Variants in MEIKIN observed in about 807,000 individuals in gnomAD.
The protein encoded by MEIKIN is meiosis-specific kinetochore protein.
chr5:131,917,220 T>A (rs949563828), intron 6 of MEIKIN, among the ~76,000 whole-genome samples: 1 of 152,114 alleles, frequency 6.6e-6, no homozygotes, highest in Non-Finnish European at 1.5e-5. Context: ...GTCAGGTAAA[T>A]ATATCAATTT....
intron 6 of MEIKIN, among the ~76,000 whole-genome samples, chr5:131,919,707 T>G (rs1751473775): frequency 6.6e-6 from 1 of 152,068 alleles, no homozygotes; most frequent in Non-Finnish European, 1.5e-5. Context: ...ATCTCCTGAT[T>G]TGTACAAAAG....
At chr5:131,815,400 C>G (rs1773083589) in intron 12 of MEIKIN, among the ~76,000 whole-genome samples, 2 of 152,164 alleles carry the variant, frequency 1.3e-5, no homozygotes, top group South Asian at 4.1e-4. Flanking sequence ...AGCCAGGAAT[C>G]AAGGGGTAGA....
chr5:131,905,396 CAA>C (rs1447869872), intron 8 of MEIKIN, among the ~76,000 whole-genome samples: 1 of 151,734 alleles, frequency 6.6e-6, no homozygotes, highest in African/African-American at 2.4e-5. Flanking sequence ...ACTAGAAAAA[CAA>C]GAGCAAATCA....
intron 8 of MEIKIN, among the ~76,000 whole-genome samples, chr5:131,901,898 T>C (rs1751162771): frequency 6.6e-6 from 1 of 151,694 alleles, no homozygotes; most frequent in Non-Finnish European, 1.5e-5. Context: ...TGTTTGGTCA[T>C]GAGATTTAGA....
intron 11 of MEIKIN, among the ~76,000 whole-genome samples, chr5:131,838,511 A>G (rs1749850630): frequency 2.6e-5 from 4 of 151,920 alleles, no homozygotes; most frequent in Admixed American, 2.6e-4. Flanking sequence ...TAGGCTTATT[A>G]CTTATTCAGG....
chr5:131,871,128 A>T (rs1366288162), intron 9 of MEIKIN, among the ~76,000 whole-genome samples: 1 of 152,174 alleles, frequency 6.6e-6, no homozygotes, highest in Non-Finnish European at 1.5e-5. Flanking sequence ...GGTTCATCTC[A>T]CTGGGGTGTG....
chr5:131,929,774 C>T (rs1274205335), intron 5 of MEIKIN, among the ~76,000 whole-genome samples: 2 of 152,192 alleles, frequency 1.3e-5, no homozygotes, highest in Non-Finnish European at 2.9e-5. Flanking sequence ...CTTATGAGAA[C>T]ATATGGTATT....
chr5:131,893,779 C>T (rs1750982502), intron 8 of MEIKIN, among the ~76,000 whole-genome samples: 1 of 152,130 alleles, frequency 6.6e-6, no homozygotes, highest in Non-Finnish European at 1.5e-5. Flanking sequence ...GGATATTAGC[C>T]CTTTGTCAGA....
At chr5:131,887,940 A>G (rs1413486677) in intron 8 of MEIKIN, among the ~76,000 whole-genome samples, 5 of 108,868 alleles carry the variant, frequency 4.6e-5, no homozygotes. Flanking sequence ...ATTCCCACCT[A>G]TGAGTGAGAA....
At chr5:131,850,474 A>C (rs1463840840) in intron 11 of MEIKIN, among the ~76,000 whole-genome samples, 1 of 152,222 alleles carries the variant, frequency 6.6e-6, no homozygotes, top group Non-Finnish European at 1.5e-5. Flanking sequence ...TACTAACATA[A>C]AGACAGACAT....
chr5:131,836,987 A>G (rs1749820003), intron 11 of MEIKIN, among the ~76,000 whole-genome samples: 1 of 151,152 alleles, frequency 6.6e-6, no homozygotes. Flanking sequence ...TGTCTCCAGG[A>G]TTTTCATAGT....
chr5:131,875,760 G>C (rs974998721), intron 9 of MEIKIN, among the ~76,000 whole-genome samples: 1 of 152,208 alleles, frequency 6.6e-6, no homozygotes, highest in African/African-American at 2.4e-5. Context: ...CCAGGCTACA[G>C]TAACCAAAAC....
chr5:131,942,846 A>G (rs1176432162), intron 3 of MEIKIN, among the ~76,000 whole-genome samples, 151 bp from the exon 4 acceptor site: 2 of 152,142 alleles, frequency 1.3e-5, no homozygotes, highest in East Asian at 3.8e-4. Flanking sequence ...TATTGTTCAG[A>G]TGTAATCTGA....
intron 11 of MEIKIN, among the ~76,000 whole-genome samples, chr5:131,825,148 C>A (rs1240904029): frequency 6.6e-6 from 1 of 152,056 alleles, no homozygotes; most frequent in Non-Finnish European, 1.5e-5. Flanking sequence ...TACGGTGATC[C>A]ATGATCTTAC....
chr5:131,902,988 C>T (rs1377123324), intron 8 of MEIKIN, among the ~76,000 whole-genome samples: 4 of 152,156 alleles, frequency 2.6e-5, no homozygotes, highest in African/African-American at 4.8e-5. Context: ...AAAAAATACA[C>T]TCTGAGAATT....
intron 8 of MEIKIN, among the ~76,000 whole-genome samples, chr5:131,903,453 T>G (rs556854871): frequency 6.6e-6 from 1 of 152,330 alleles, no homozygotes; most frequent in East Asian, 1.9e-4. Context: ...AGCAGACCTA[T>G]CAGCAGAAAC....
chr5:131,862,626 G>T (rs932299759), intron 9 of MEIKIN, among the ~76,000 whole-genome samples: 1 of 152,036 alleles, frequency 6.6e-6, no homozygotes, highest in African/African-American at 2.4e-5. Flanking sequence ...TTGCTATAAA[G>T]TTCCCTCTAA....
At chr5:131,840,531 T>A (rs1580867607) in intron 11 of MEIKIN, among the ~76,000 whole-genome samples, 1 of 152,118 alleles carries the variant, frequency 6.6e-6, no homozygotes, top group East Asian at 1.9e-4. Flanking sequence ...TTCTTGGAGG[T>A]TTTGTTCATT....
intron 11 of MEIKIN, among the ~76,000 whole-genome samples, chr5:131,844,404 T>TA (rs1441453232): frequency 6.6e-6 from 1 of 152,198 alleles, no homozygotes. Context: ...ATATGAGTCT[T>TA]ACAATTTCCC....
Sources: allele counts gnomAD v4.1 joint callset (sites outside exome capture counted in the v4.1 genomes callset), GRCh38; gene constraint gnomAD v4.1.1; transcripts MANE v1.5; gene names NCBI Gene and HGNC (gene_info 2026-07-23, HGNC 2026-07-21).